The following TACR2 variants were observed in gnomAD, a reference collection of about 807,000 sequenced individuals.
TACR2 encodes tachykinin receptor 2.
In TACR2, 24 loss-of-function variants were observed where a neutral mutation model predicts 28.9. That is an observed-to-expected ratio of 0.83 (90% confidence interval 0.60 to 1.17). The LOEUF (loss-of-function observed/expected upper bound fraction) is 1.17, where lower values mean the gene tolerates loss of function less well. Ranked by LOEUF, TACR2 falls within the 50% of genes most tolerant of loss-of-function variation. The probability of loss-of-function intolerance (pLI) is 0.00; values close to 1 mark genes in which losing one functional copy is unlikely to be tolerated. For synonymous variants in TACR2, 222 were observed against 212.6 expected (o/e 1.04, Z -0.38); for missense variants, 487 against 524.4 (o/e 0.93, Z 0.70).
intron 2 of TACR2, among the ~76,000 whole-genome samples, chr10:69,413,697 G>A (rs976218334): frequency 7.2e-5 from 11 of 152,200 alleles, no homozygotes; most frequent in Admixed American, 6.5e-5. Context: ...GACCAGGCAG[G>A]GAGGATGTTG....
chr10:69,405,046 G>T lies in TACR2; in HGVS notation c.977C>A (p.Pro326Gln). ...SGFRLAFRCC[P>Q]WVTPTKEDKL... is the part of the protein sequence containing the mutation. ...ATCTTCCTTGGTGGGTGTGACCCAT[G>T]GGCAGCAGCGGAAGGCAAGCCGGAA... The change falls in exon 5 of 5, where the codon CCA becomes CAA. Residue 326 changes from proline to glutamine, a missense_variant. Coordinates refer to ENST00000373306, the MANE Select transcript of TACR2 (RefSeq NM_001057.3). 1 of 1,613,996 alleles carries T rather than the reference G, an allele frequency of 6.2e-7. No homozygotes were observed. Among genetic ancestry groups the T allele is most frequent in the Non-Finnish European group, 8.5e-7 (1 of 1,179,930 alleles).
At position 69,416,559 on chromosome 10, in the gene TACR2, C is replaced by G. The variant is rs1001118367; in HGVS notation, c.-236G>C. On this transcript the variant is annotated 5_prime_UTR_variant, in exon 1 of 5. Transcript: ENST00000373306. Reference sequence around the variant, plus strand: ...GTCATTTCAGATTCCATCCTTCCGGCCAGACTTCTCGAATATCATGTGGAA... The same window carrying G: ...GTCATTTCAGATTCCATCCTTCCGGGCAGACTTCTCGAATATCATGTGGAA... 2.8e-5 allele frequency: 13 copies of G among 471,290 alleles called. No homozygotes were observed. The highest frequency in any genetic ancestry group is 5.2e-5 in the South Asian group (1 of 19,406). 29.2% of individuals were successfully genotyped at this position (471,290 alleles called of 1,614,324 possible). A position where few individuals can be genotyped will look rare whatever the true frequency, so the allele number is the denominator to read the frequency against.
At chr10:69,413,969 G>A (rs1416088617) in intron 2 of TACR2, among the ~76,000 whole-genome samples, 1 of 152,204 alleles carries the variant, frequency 6.6e-6, no homozygotes. Flanking sequence ...AAAGCCAGAG[G>A]TTCAGAGGTT....
chr10:69,408,593 C>G (rs997935201), intron 3 of TACR2, among the ~76,000 whole-genome samples: 1 of 152,180 alleles, frequency 6.6e-6, no homozygotes, highest in Non-Finnish European at 1.5e-5. Flanking sequence ...AGGCGTGAGC[C>G]GCCGCGCCCG....
At position 69,405,085 on chromosome 10, in the gene TACR2, C is replaced by T; in HGVS notation, c.939-1G>A. On this transcript the variant is annotated splice_acceptor_variant, in intron 4 of 4. Coordinates refer to ENST00000373306, the MANE Select transcript of TACR2 (RefSeq NM_001057.3). LOFTEE classifies it high-confidence loss of function. ...GGCAAGCCGGAATCCAGAGCGAAACCTGGGGGAGCGAGGGGCACCTTGAGC... is the reference window on the plus strand; with the variant it reads ...GGCAAGCCGGAATCCAGAGCGAAACTTGGGGGAGCGAGGGGCACCTTGAGC... 6.2e-7 allele frequency: 1 copy of T among 1,613,052 alleles called. No homozygotes were observed. The highest frequency in any genetic ancestry group is 1.3e-5 in the African/African-American group (1 of 75,028).
chr10:69,404,941 C>A lies in TACR2; in HGVS notation c.1082G>T (p.Gly361Val), dbSNP rs909801360. The A allele has an allele frequency of 6.2e-7, 1 of 1,614,078 alleles. No homozygotes were observed. Among genetic ancestry groups the A allele is most frequent in the African/African-American group, 1.3e-5 (1 of 74,940 alleles). The part of the protein sequence containing the change: ...CHTKETLFMA[G>V]DTAPSEATSG... ...GGTAGCCTCGGAGGGGGCTGTGTCC[C>A]CAGCCATGAACAAAGTCTCCTTAGT... Residue 361 changes from glycine to valine, a missense_variant, in exon 5 of 5, where the codon GGG becomes GTG. Coordinates refer to ENST00000373306, the MANE Select transcript of TACR2 (RefSeq NM_001057.3).
At chr10:69,411,327 A>T (rs12256873) in intron 2 of TACR2, among the ~76,000 whole-genome samples, 2,527 of 152,290 alleles carry the variant, frequency 0.017, 72 homozygotes, top group African/African-American at 0.058. Flanking sequence ...TCTAATCCTT[A>T]AGCTGTCCTT....
Position 69,405,743 on chromosome 10 carries a change from TC to T in TACR2, c.939-660del, listed in dbSNP as rs1488409931. ...GTAGAGCCTGGGGTGTTGTTTAGAC[TC>T]CCAGGGACTGTATCTCCCTTGGGTA... On this transcript the variant is annotated intron_variant, in intron 4 of 4. Coordinates refer to ENST00000373306, the MANE Select transcript of TACR2 (RefSeq NM_001057.3). Among the ~76,000 whole-genome samples the T allele has an allele frequency of 5.9e-5, 9 of 152,248 alleles. No homozygotes were observed. The South Asian group carries it at 1.9e-3, about 32-fold the overall frequency.
Position 69,404,842 on chromosome 10 carries a change from G to C in TACR2, c.1181C>G (p.Thr394Ser). 4 of 1,552,238 alleles carry C rather than the reference G, an allele frequency of 2.6e-6. No homozygotes were observed. Among genetic ancestry groups the C allele is most frequent in the Non-Finnish European group, 3.5e-6 (4 of 1,143,460 alleles). The change falls in exon 5 of 5, where the codon ACT (threonine) becomes AGT (serine). Residue 394 changes from threonine (T) to serine (S), a missense_variant. Thr to Ser is a moderately conservative substitution (Grantham distance 58). Coordinates refer to ENST00000373306, the MANE Select transcript of TACR2 (RefSeq NM_001057.3). Reference sequence around the variant, plus strand: ...ACATTGGGATCAAATTTCAACATGAGTTTTGGTGGGGGCAAGCAAACCATA... The same window carrying C: ...ACATTGGGATCAAATTTCAACATGACTTTTGGTGGGGGCAAGCAAACCATA... ...FGYGLLAPTK[T>S]HVEI
At position 69,416,601 on chromosome 10, in the gene TACR2, A is replaced by C; in HGVS notation, c.-278T>G. On this transcript the variant is annotated 5_prime_UTR_variant, in exon 1 of 5. Coordinates refer to ENST00000373306, the MANE Select transcript of TACR2 (RefSeq NM_001057.3). Reference sequence around the variant, plus strand: ...CATGTGGAAACACAGAATTCAAATCACAGTGTCAGAGCAGAAAACACCCTT... The same window carrying C: ...CATGTGGAAACACAGAATTCAAATCCCAGTGTCAGAGCAGAAAACACCCTT... The C allele has an allele frequency of 2.6e-6, 1 of 384,616 alleles. No homozygotes were observed. The highest frequency in any genetic ancestry group is 4.6e-6 in the Non-Finnish European group (1 of 215,870). The allele number at this position is 384,616 out of a possible 1,614,324, so 23.8% of individuals were successfully genotyped here.
intron 2 of TACR2, 132 bp downstream of exon 2, chr10:69,414,813 C>A (rs988836148): frequency 6.3e-6 from 6 of 951,438 alleles, no homozygotes; most frequent in Non-Finnish European, 9.3e-6. Flanking sequence ...CCCGTGTACA[C>A]TCACTCATGT....
intron 2 of TACR2, among the ~76,000 whole-genome samples, chr10:69,410,550 C>T (rs1024649960): frequency 3.0e-4 from 45 of 151,572 alleles, no homozygotes; most frequent in African/African-American, 1.1e-3. Flanking sequence ...GACAGTGTCC[C>T]CAGTTCTCAG....
At chr10:69,415,176 C>G in intron 1 of TACR2, 37 bp from the exon 2 acceptor site, 2 of 1,583,784 alleles carry the variant, frequency 1.3e-6, no homozygotes, top group South Asian at 1.1e-5. Flanking sequence ...CAGGGGCCCT[C>G]CTGTTAGCCC....
In TACR2 at chr10:69,416,495, A is replaced by G. The variant is rs41279670; in HGVS notation, c.-172T>C. 5,639 of 823,990 alleles carry G rather than the reference A, an allele frequency of 6.8e-3. 97 individuals carry two copies. The highest frequency in any genetic ancestry group is 0.039 in the South Asian group (1,902 of 49,314). The allele number at this position is 823,990 out of a possible 1,614,324, so 51.0% of individuals were successfully genotyped here. A position where few individuals can be genotyped will look rare whatever the true frequency, so the allele number is the denominator to read the frequency against. The stretch of plus-strand genomic sequence containing the variant: ...GGCCACTCCTAGGTCTCAGGCAAAG[A>G]TGAGCTGGGCTGAGCACAAAGCCCA... On this transcript the variant is annotated 5_prime_UTR_variant, in exon 1 of 5. Coordinates refer to ENST00000373306, the MANE Select transcript of TACR2 (RefSeq NM_001057.3).
At position 69,404,999 on chromosome 10, in the gene TACR2, T is replaced by C; in HGVS notation, c.1024A>G (p.Thr342Ala). ...KEDKLELTPT[T>A]SLSTRVNRCH... ...CTGTTGACTCTCGTGGAGAGGGAGGTCGTGGGAGTCAGCTCGAGCTTATCT... is the reference window on the plus strand; with the variant it reads ...CTGTTGACTCTCGTGGAGAGGGAGGCCGTGGGAGTCAGCTCGAGCTTATCT... Residue 342 changes from threonine to alanine, a missense_variant, in exon 5 of 5, where the codon ACC becomes GCC. Physicochemically the swap from Thr to Ala is moderately conservative, Grantham distance 58. Coordinates refer to ENST00000373306, the MANE Select transcript of TACR2 (RefSeq NM_001057.3). The C allele has an allele frequency of 1.2e-6, 2 of 1,613,930 alleles. No individual in the cohort carries two copies. The highest frequency in any genetic ancestry group is 2.2e-5 in the South Asian group (2 of 91,058).
chr10:69,416,127 G>T lies in TACR2; in HGVS notation c.197C>A (p.Thr66Lys), dbSNP rs1840616350. The change falls in exon 1 of 5, where the codon ACA (threonine) becomes AAA (lysine). Residue 66 changes from threonine to lysine, a missense_variant. Transcript: ENST00000373306. ...ATTGACGATGAAGTAGTTGGTGACT[G>T]TGCGCATCCTCCGATGGGCCAGGAT... Reference protein sequence around the residue: ...WIILAHRRMRTVTNYFIVNLA... With the variant: ...WIILAHRRMRKVTNYFIVNLA... The T allele has an allele frequency of 6.2e-7, 1 of 1,614,122 alleles. No individual in the cohort carries two copies. Among genetic ancestry groups the T allele is most frequent in the Admixed American group, 1.7e-5 (1 of 60,004 alleles).
chr10:69,409,138 G>C (rs1317008547), intron 2 of TACR2, 63 bp from the exon 3 acceptor site: 1 of 1,423,638 alleles, frequency 7.0e-7, no homozygotes, highest in Non-Finnish European at 9.2e-7. Flanking sequence ...GTCTGCCAGC[G>C]CCTGGTCCTG....
intron 3 of TACR2, 105 bp downstream of exon 3, chr10:69,408,817 C>CCCCCGTCCCA (rs1353704112): frequency 3.1e-5 from 1 of 32,196 alleles, no homozygotes; most frequent in Non-Finnish European, 7.0e-5. Flanking sequence ...CCCCGTCCCA[C>CCCCCGTCCCA]CCCCGTCCCA....
intron 1 of TACR2, 48 bp downstream of exon 1, chr10:69,415,884 C>A: frequency 6.3e-7 from 1 of 1,590,096 alleles, no homozygotes; most frequent in South Asian, 1.1e-5. Context: ...TATCTGAGCC[C>A]CGGCTCAGTG....
Sources: allele counts gnomAD v4.1 joint callset (sites outside exome capture counted in the v4.1 genomes callset), GRCh38; gene constraint gnomAD v4.1.1; transcripts MANE v1.5; gene names NCBI Gene and HGNC (gene_info 2026-07-23, HGNC 2026-07-21).